CAPG: variants seen among roughly 807,000 people sequenced by gnomAD.
The protein encoded by CAPG is capping actin protein, gelsolin like.
In CAPG, 32 loss-of-function variants were observed where a neutral mutation model predicts 44.6. The observed-to-expected ratio is 0.72, with a 90% confidence interval of 0.54 to 0.96. CAPG has a LOEUF of 0.96. Ranked by LOEUF, CAPG falls within the 50% of genes least tolerant of loss-of-function variation. CAPG has a pLI of 0.00. For synonymous variants in CAPG, 175 were observed against 179.6 expected, an observed-to-expected ratio of 0.97 and a Z score of 0.20; for missense variants, 412 against 438.3, an observed-to-expected ratio of 0.94 and a Z score of 0.54.
intron 1 of CAPG, among the ~76,000 whole-genome samples, chr2:85,417,477 C>CTTTT (rs1242085864): frequency 1.5e-4 from 15 of 101,052 alleles, no homozygotes; most frequent in East Asian, 2.6e-4. Context: ...TATCTCAGCT[C>CTTTT]TTTTTTTTTT....
At chr2:85,417,506 AG>A (rs1266019889) in intron 1 of CAPG, among the ~76,000 whole-genome samples, 2 of 136,252 alleles carry the variant, frequency 1.5e-5, no homozygotes, top group South Asian at 4.6e-4. Context: ...TTTTTGAGAC[AG>A]AGTCTGGCTC....
At chr2:85,397,719 A>G (rs190221245) in intron 8 of CAPG, among the ~76,000 whole-genome samples, 9 of 149,498 alleles carry the variant, frequency 6.0e-5, no homozygotes, top group Admixed American at 4.0e-4. Context: ...AAAGAAAGAA[A>G]GAAAGAAAGA....
At chr2:85,398,597 C>A in intron 7 of CAPG, 93 bp downstream of exon 7, 1 of 1,054,668 alleles carries the variant, frequency 9.5e-7, no homozygotes. Flanking sequence ...CTTCCCCCTG[C>A]CTTCTCCCCT....
intron 1 of CAPG, among the ~76,000 whole-genome samples, chr2:85,403,476 GA>G (rs1299588288): frequency 2.0e-5 from 3 of 152,170 alleles, no homozygotes; most frequent in African/African-American, 7.2e-5. Flanking sequence ...AGAGATGACA[GA>G]ACACTTCTCA....
At chr2:85,406,479 T>C (rs1687161222) in intron 1 of CAPG, among the ~76,000 whole-genome samples, 1 of 152,184 alleles carries the variant, frequency 6.6e-6, no homozygotes, top group East Asian at 1.9e-4. Flanking sequence ...GTCGATCTGA[T>C]AATCGTGGAT....
At chr2:85,398,250 T>C in intron 7 of CAPG, 98 bp from the exon 8 acceptor site, 1 of 1,380,272 alleles carries the variant, frequency 7.2e-7, no homozygotes, top group Non-Finnish European at 1.0e-6. Flanking sequence ...TCCCTCCCAC[T>C]GTGCCTCGCT....
chr2:85,402,177 C>T lies in CAPG; in HGVS notation c.-13-19G>A. 6.3e-7 allele frequency: 1 copy of T among 1,581,878 alleles called. No individual in the cohort carries two copies. Among genetic ancestry groups the T allele is most frequent in the Non-Finnish European group, 8.6e-7 (1 of 1,161,448 alleles). On this transcript the variant is annotated intron_variant, in intron 1 of 9. Coordinates refer to ENST00000263867, the MANE Select transcript of CAPG (RefSeq NM_001747.4). ...TTCAGATCTGGAAAGAAAGAAGAAG[C>T]CATTATTATTACAAATGCCACAAAA...
intron 1 of CAPG, among the ~76,000 whole-genome samples, chr2:85,402,775 CTT>C (rs1194585290): frequency 1.6e-5 from 2 of 125,494 alleles, no homozygotes; most frequent in Non-Finnish European, 1.7e-5. Context: ...CTCAAGTTGG[CTT>C]TTTTTTTTTT....
chr2:85,399,057 T>G, intron 6 of CAPG, 79 bp downstream of exon 6: 1 of 1,516,002 alleles, frequency 6.6e-7, no homozygotes, highest in South Asian at 1.2e-5. Context: ...CCGGCCACTC[T>G]CAGCCCTCAG....
chr2:85,407,712 CAAAAAAA>C (rs60228110), intron 1 of CAPG, among the ~76,000 whole-genome samples: 5 of 91,156 alleles, frequency 5.5e-5, no homozygotes, highest in South Asian at 4.3e-4. Flanking sequence ...GACTCTGTCT[CAAAAAAA>C]AAAAAAAAAA....
At chr2:85,403,626 C>T (rs561330342) in intron 1 of CAPG, among the ~76,000 whole-genome samples, 24 of 152,220 alleles carry the variant, frequency 1.6e-4, no homozygotes, top group East Asian at 1.4e-3. Flanking sequence ...CGGTGGCTCA[C>T]GCCTGTAATC....
At position 85,394,813 on chromosome 2, in the gene CAPG, C is replaced by A. The variant is rs1686505065; in HGVS notation, c.*80G>T. The A allele has an allele frequency of 9.9e-7, 1 of 1,007,684 alleles. No individual in the cohort carries two copies. Among genetic ancestry groups the A allele is most frequent in the Non-Finnish European group, 1.6e-6 (1 of 626,112 alleles). The allele number at this position is 1,007,684 out of a possible 1,614,324, so 62.4% of individuals were successfully genotyped here. Reference sequence around the variant, plus strand: ...TATTGAACATCTGCAGGGGGCACCTCTGCACTGACCAGGCAGCCAGAGAAG... The same window carrying A: ...TATTGAACATCTGCAGGGGGCACCTATGCACTGACCAGGCAGCCAGAGAAG... On this transcript the variant is annotated 3_prime_UTR_variant, in exon 10 of 10. Coordinates refer to ENST00000263867, the MANE Select transcript of CAPG (RefSeq NM_001747.4).
downstream of CAPG, among the ~76,000 whole-genome samples, chr2:85,394,083 C>T (rs137886328): frequency 2.6e-5 from 4 of 152,358 alleles, no homozygotes; most frequent in East Asian, 3.9e-4. Context: ...CTGCTCTTGG[C>T]CCCTGGGCAT....
intron 1 of CAPG, among the ~76,000 whole-genome samples, chr2:85,406,803 A>G (rs1687182302): frequency 6.6e-6 from 1 of 150,986 alleles, no homozygotes; most frequent in Admixed American, 6.6e-5. Context: ...GGTTGCAGTG[A>G]GCTGAGATCA....
At chr2:85,402,529 C>G (rs762293918) in intron 1 of CAPG, among the ~76,000 whole-genome samples, 1 of 149,730 alleles carries the variant, frequency 6.7e-6, no homozygotes, top group South Asian at 2.1e-4. Flanking sequence ...TGCAGTGGTG[C>G]GATCTCGCCT....
At chr2:85,406,579 C>T (rs1687168022) in intron 1 of CAPG, among the ~76,000 whole-genome samples, 1 of 152,162 alleles carries the variant, frequency 6.6e-6, no homozygotes, top group Non-Finnish European at 1.5e-5. Context: ...CTGTTAGGGG[C>T]CGGGCACAGT....
chr2:85,400,802 C>A (rs1209440959), intron 5 of CAPG, among the ~76,000 whole-genome samples: 1 of 152,172 alleles, frequency 6.6e-6, no homozygotes, highest in Admixed American at 6.5e-5. Flanking sequence ...GTGACTGGCC[C>A]ATCTTGGCTG....
Position 85,401,768 on chromosome 2 carries a change from C to A in CAPG, c.196+17G>T, listed in dbSNP as rs565837522. 5.6e-6 allele frequency: 9 copies of A among 1,612,920 alleles called. No individual in the cohort carries two copies. Among genetic ancestry groups the A allele is most frequent in the South Asian group, 5.5e-5 (5 of 91,072 alleles). On this transcript the variant is annotated intron_variant, in intron 3 of 9. Transcript: ENST00000263867. ...CCCCTTCCTGGGCCCAACCTTCCCC[C>A]ATCCAGATCCCCTTACCTATCCACA...
chr2:85,399,078 C>A, intron 6 of CAPG, 58 bp downstream of exon 6: 1 of 1,554,506 alleles, frequency 6.4e-7, no homozygotes, highest in Non-Finnish European at 8.8e-7. Context: ...CTCATCACCA[C>A]CTCTCTTGGC....
Sources: gnomAD v4.1 joint callset for allele counts (sites outside exome capture counted in the v4.1 genomes callset) on GRCh38, gnomAD v4.1.1 for gene constraint, MANE v1.5 for transcripts, NCBI Gene and HGNC (gene_info 2026-07-23, HGNC 2026-07-21) for gene names.